Variants in JADE1 observed in about 807,000 individuals in gnomAD.
JADE1 encodes the protein protein Jade-1.
In JADE1, 14 loss-of-function variants were observed where a neutral mutation model predicts 81.8. The ratio of observed to expected loss-of-function variants is 0.17; its 90% CI spans 0.11 to 0.27. JADE1 has a LOEUF of 0.27. Ranked by LOEUF, JADE1 falls within the 10% of genes least tolerant of loss-of-function variation. JADE1 has a pLI of 1.00. For synonymous variants in JADE1, 353 were observed against 391.9 expected (o/e 0.90, Z 1.17); for missense variants, 690 against 1,047.9 (o/e 0.66, Z 4.71).
At position 128,809,881 on chromosome 4, in the gene JADE1, CGCGCGCGGGCCGCGGGGG is replaced by C. The variant is rs950118070; in HGVS notation, c.-27+14_-27+31del. The C allele has an allele frequency of 1.9e-4, 28 of 148,692 alleles. 1 individual carries two copies. The highest frequency in any genetic ancestry group is 3.4e-4 in the Admixed American group (5 of 14,896). The allele number at this position is 148,692 out of a possible 1,614,324, so 9.2% of individuals were successfully genotyped here. ...CGGCCGAACCCCTCCGCAGCAGGTACGCGCGCGGGCCGCGGGGGGCGCGCGGGGTGGGCGCGCCGCGCG... is the reference window on the plus strand; with the variant it reads ...CGGCCGAACCCCTCCGCAGCAGGTACGCGCGCGGGGTGGGCGCGCCGCGCG... On this transcript the variant is annotated splice_donor_5th_base_variant and intron_variant, in intron 1 of 10. Coordinates refer to ENST00000226319, the MANE Select transcript of JADE1 (RefSeq NM_199320.4).
At position 128,846,283 on chromosome 4, in the gene JADE1, A is replaced by T; in HGVS notation, c.139-92A>T. 7.9e-7 allele frequency: 1 copy of T among 1,272,618 alleles called. No individual in the cohort carries two copies. The highest frequency in any genetic ancestry group is 1.1e-6 in the Non-Finnish European group (1 of 891,002). 78.8% of individuals were successfully genotyped at this position (1,272,618 alleles called of 1,614,324 possible). On this transcript the variant is annotated intron_variant, in intron 3 of 10. Transcript: ENST00000226319. The surrounding 1 kb of genome is among the most constrained non-coding windows in gnomAD (Gnocchi z 4.0). ...TCTATGTTGATACAGTGACCTTGTTACATGGCAGCTCCATGGTTACATTGC... is the reference window on the plus strand; with the variant it reads ...TCTATGTTGATACAGTGACCTTGTTTCATGGCAGCTCCATGGTTACATTGC...
rs145884860 is a variant in JADE1 at position 128,855,897 on chromosome 4, G to A, written c.864+100G>A. 4.1e-5 allele frequency: 43 copies of A among 1,059,980 alleles called. No homozygotes were observed. The African/African-American group carries it at 5.7e-4, about 14-fold the overall frequency. The allele number at this position is 1,059,980 out of a possible 1,614,324, so 65.7% of individuals were successfully genotyped here. On this transcript the variant is annotated intron_variant, in intron 7 of 10. Transcript: ENST00000226319. The stretch of plus-strand genomic sequence containing the variant: ...GCAGTGAGCTGGATCATGGCTCACT[G>A]CAGCCTTGACCTGCTGGGCTCAAGT...
In JADE1 at chr4:128,871,952, C is replaced by T; in HGVS notation, c.2219C>T (p.Thr740Ile). Residue 740 changes from threonine to isoleucine, a missense_variant, in exon 11 of 11, where the codon ACA becomes ATA. Physicochemically the swap from Thr to Ile is moderately conservative, Grantham distance 89. Coordinates refer to ENST00000226319, the MANE Select transcript of JADE1 (RefSeq NM_199320.4). The surrounding 1 kb of genome is among the most constrained non-coding windows in gnomAD (Gnocchi z 4.1). ...CAGACTGCAGTCAAAGTGCCTACAA[C>T]ACCTGCCAGCCCAGTGAAAAACTGG... Reference protein sequence around the residue: ...YNQTAVKVPTTPASPVKNWGG... With the variant: ...YNQTAVKVPTIPASPVKNWGG... 3.1e-6 allele frequency: 5 copies of T among 1,613,990 alleles called. No homozygotes were observed. The South Asian group carries it at 5.5e-5, about 18-fold the overall frequency.
At position 128,872,493 on chromosome 4, in the gene JADE1, T is replaced by C; in HGVS notation, c.*231T>C. 2.0e-6 allele frequency: 1 copy of C among 505,698 alleles called. No homozygotes were observed. The highest frequency in any genetic ancestry group is 3.5e-6 in the Non-Finnish European group (1 of 288,948). The allele number at this position is 505,698 out of a possible 1,614,324, so 31.3% of individuals were successfully genotyped here. ...AGAGTAGATTGTAACCATAAGACAC[T>C]GCTAAGACTAGAACCCGAACTGAAC... On this transcript the variant is annotated 3_prime_UTR_variant, in exon 11 of 11. Coordinates refer to ENST00000226319, the MANE Select transcript of JADE1 (RefSeq NM_199320.4).
At chr4:128,845,190 C>CGGTG (rs1440046849) in intron 3 of JADE1, among the ~76,000 whole-genome samples, 2 of 152,188 alleles carry the variant, frequency 1.3e-5, no homozygotes, top group Non-Finnish European at 2.9e-5. Context: ...GGCTGGGAGG[C>CGGTG]GGTGTTGTGC....
In JADE1 at chr4:128,858,037, C is replaced by G. The variant is rs144301760; in HGVS notation, c.981+583C>G. On this transcript the variant is annotated intron_variant, in intron 8 of 10. Transcript: ENST00000226319. ...GGAGTTCCTGTGTATGCTGTCATCT[C>G]ATTGGGGCATCATTTGGATGTCTGA... 9.4e-4 allele frequency among the ~76,000 whole-genome samples: 143 copies of G among 152,286 alleles called. 2 individuals carry two copies. In the Middle Eastern group the frequency reaches 0.01, roughly 11 times the overall value.
At chr4:128,815,033 A>G (rs1054366178) in intron 1 of JADE1, among the ~76,000 whole-genome samples, 1 of 150,486 alleles carries the variant, frequency 6.6e-6, no homozygotes, top group African/African-American at 2.5e-5. Flanking sequence ...CCTTAAGTCG[A>G]TTTTAATCTT....
At chr4:128,826,294 C>G (rs1034263368) in intron 1 of JADE1, among the ~76,000 whole-genome samples, 1 of 152,212 alleles carries the variant, frequency 6.6e-6, no homozygotes, top group African/African-American at 2.4e-5. Flanking sequence ...GATTCAATCT[C>G]TGTCCCGTAC....
chr4:128,827,152 T>C (rs1000174661), intron 1 of JADE1, among the ~76,000 whole-genome samples: 1 of 152,134 alleles, frequency 6.6e-6, no homozygotes, highest in African/African-American at 2.4e-5. Context: ...TTGGGTTCAA[T>C]CTCCATCCCC....
chr4:128,871,394 T>C lies in JADE1; in HGVS notation c.1661T>C (p.Met554Thr). The C allele has an allele frequency of 1.2e-6, 2 of 1,614,044 alleles. No individual in the cohort carries two copies. The highest frequency in any genetic ancestry group is 1.7e-5 in the Admixed American group (1 of 60,012). Residue 554 changes from methionine to threonine, a missense_variant, in exon 11 of 11, where the codon ATG (methionine) becomes ACG (threonine). Met to Thr is a moderately conservative substitution (Grantham distance 81). This residue lies in a region of JADE1 where 86 missense variants were observed against 95.4 expected (regional missense o/e 0.90). Transcript: ENST00000226319. The surrounding 1 kb of genome is among the most constrained non-coding windows in gnomAD (Gnocchi z 4.1). ...SSCSSSSLENMLLFNSPSVGP... is the reference protein window; with the variant it reads ...SSCSSSSLENTLLFNSPSVGP... Reference sequence around the variant, plus strand: ...TGCTCCTCCTCCTCACTGGAAAACATGCTTTTGTTTAACAGTCCTTCTGTT... The same window carrying C: ...TGCTCCTCCTCCTCACTGGAAAACACGCTTTTGTTTAACAGTCCTTCTGTT...
chr4:128,814,421 A>G (rs1726798652), intron 1 of JADE1, among the ~76,000 whole-genome samples: 3 of 152,264 alleles, frequency 2.0e-5, no homozygotes, highest in Non-Finnish European at 4.4e-5. Context: ...TTTGAAAATT[A>G]GAAAATACAA....
intron 3 of JADE1, among the ~76,000 whole-genome samples, chr4:128,843,942 A>C (rs1028733141): frequency 6.6e-6 from 1 of 152,188 alleles, no homozygotes; most frequent in Non-Finnish European, 1.5e-5. Flanking sequence ...AGTAGTTTAC[A>C]TCCTTTAGAA....
chr4:128,814,689 G>A (rs1560718955), intron 1 of JADE1, among the ~76,000 whole-genome samples: 3 of 151,638 alleles, frequency 2.0e-5, no homozygotes, highest in Non-Finnish European at 2.9e-5. Flanking sequence ...AGCCTCCTGA[G>A]TAGCTGGGAT....
intron 1 of JADE1, among the ~76,000 whole-genome samples, chr4:128,816,912 T>C (rs1727089576): frequency 6.6e-6 from 1 of 151,874 alleles, no homozygotes; most frequent in Non-Finnish European, 1.5e-5. Context: ...AAGTTCTTGC[T>C]CTGTCACCCA....
rs773787889 is a variant in JADE1 at position 128,867,977 on chromosome 4, T to C, written c.1621+4T>C. On this transcript the variant is annotated splice_donor_region_variant and intron_variant, in intron 10 of 10. Transcript: ENST00000226319. ...TTGGAGCAAGAAAGAGTTTCAGGTA[T>C]GCATTAAGCCCTGGTAGGTCAAAGT... 9.0e-6 allele frequency: 14 copies of C among 1,551,854 alleles called. No individual in the cohort carries two copies. The Admixed American group carries it at 1.3e-4, about 15-fold the overall frequency.
chr4:128,859,375 ATG>A (rs750564297), intron 8 of JADE1, among the ~76,000 whole-genome samples: 6 of 151,212 alleles, frequency 4.0e-5, no homozygotes, highest in East Asian at 2.0e-4. Flanking sequence ...GTGAATGTGT[ATG>A]TGTGTGAGTA....
At chr4:128,828,844 C>T (rs898298277) in intron 1 of JADE1, among the ~76,000 whole-genome samples, 6 of 152,112 alleles carry the variant, frequency 3.9e-5, no homozygotes, top group African/African-American at 1.4e-4. Context: ...AGGGGTCTCC[C>T]TGTGTTGCCC....
chr4:128,853,844 G>C (rs1157930541), intron 6 of JADE1, among the ~76,000 whole-genome samples: 1 of 152,152 alleles, frequency 6.6e-6, no homozygotes, highest in Non-Finnish European at 1.5e-5. Context: ...GACCTCCCCA[G>C]CTGTGGCCCA....
intron 2 of JADE1, among the ~76,000 whole-genome samples, chr4:128,835,706 C>T (rs1458639329): frequency 1.3e-5 from 2 of 152,214 alleles, no homozygotes; most frequent in African/African-American, 4.8e-5. Flanking sequence ...ACTTCCCAGC[C>T]CAGTGCACAC....
Sources: allele counts gnomAD v4.1 joint callset (sites outside exome capture counted in the v4.1 genomes callset), GRCh38; gene constraint gnomAD v4.1.1; regional missense constraint gnomAD v4.1.1; non-coding constraint Gnocchi (gnomAD v3.1); transcripts MANE v1.5; gene names NCBI Gene and HGNC (gene_info 2026-07-23, HGNC 2026-07-21).